The following SPOCK3 variants were observed in gnomAD, a reference collection of about 807,000 sequenced individuals.
SPOCK3 encodes SPARC (osteonectin), cwcv and kazal like domains proteoglycan 3.
SPOCK3 carries 30 observed loss-of-function variants against 56.6 expected under a neutral mutation model. The observed-to-expected ratio is 0.53, with a 90% confidence interval of 0.40 to 0.72. The LOEUF is 0.72. SPOCK3 is among the 30% of genes least tolerant of loss of function. The pLI is 0.00. For synonymous variants in SPOCK3, 196 were observed against 183.3 expected (o/e 1.07, Z -0.56); for missense variants, 527 against 530.0 (o/e 0.99, Z 0.06).
chr4:167,197,956 A>G (rs1427876438), intron 2 of SPOCK3, among the ~76,000 whole-genome samples: 1 of 152,182 alleles, frequency 6.6e-6, no homozygotes, highest in Non-Finnish European at 1.5e-5. Flanking sequence ...CATTCTTGAC[A>G]ACAATTCCAC....
chr4:166,739,800 C>A (rs1385115758), intron 9 of SPOCK3, among the ~76,000 whole-genome samples: 1 of 150,892 alleles, frequency 6.6e-6, no homozygotes, highest in African/African-American at 2.4e-5. Flanking sequence ...AGTCTTGTAA[C>A]CATATAACAT....
At chr4:167,122,535 A>G (rs1337260581) in intron 2 of SPOCK3, among the ~76,000 whole-genome samples, 1 of 152,232 alleles carries the variant, frequency 6.6e-6, no homozygotes, top group African/African-American at 2.4e-5. Context: ...TAGGGTTACA[A>G]TACCTCAGTG....
intron 5 of SPOCK3, among the ~76,000 whole-genome samples, chr4:166,908,310 A>ACACACC (rs1491177206): frequency 2.4e-5 from 3 of 124,982 alleles, no homozygotes; most frequent in African/African-American, 9.3e-5. Flanking sequence ...ACACACACAC[A>ACACACC]CCCCTACCTT....
chr4:166,784,186 T>C (rs1489571559), intron 7 of SPOCK3, among the ~76,000 whole-genome samples: 1 of 152,078 alleles, frequency 6.6e-6, no homozygotes, highest in Non-Finnish European at 1.5e-5. Context: ...ATAATACAGT[T>C]CCTAAAGAAA....
Position 166,949,874 on chromosome 4 carries a change from C to A in SPOCK3, c.351-37131G>T, listed in dbSNP as rs368297357. ...AAGGAGAAATAAAATACTTTACAGA[C>A]AAGCAAATGCTGAGCAATTTTGTCA... On this transcript the variant is annotated intron_variant, in intron 4 of 10. Transcript: ENST00000357545. Among the ~76,000 whole-genome samples, 94 of 151,858 alleles carry A rather than the reference C, an allele frequency of 6.2e-4. 3 individuals are homozygous for A. In the East Asian group the frequency reaches 9.5e-3, roughly 15 times the overall value.
chr4:166,779,765 G>T (rs1739957464), intron 7 of SPOCK3, among the ~76,000 whole-genome samples: 1 of 152,058 alleles, frequency 6.6e-6, no homozygotes, highest in Admixed American at 6.6e-5. Context: ...TTAAAGATAT[G>T]CAGGACTTTC....
At chr4:167,037,450 C>A (rs1428098280) in intron 3 of SPOCK3, among the ~76,000 whole-genome samples, 2 of 151,300 alleles carry the variant, frequency 1.3e-5, no homozygotes, top group Admixed American at 6.6e-5. Flanking sequence ...CCACTGCACT[C>A]CGGCCTGGGC....
intron 2 of SPOCK3, among the ~76,000 whole-genome samples, chr4:167,185,010 T>C (rs1731829193): frequency 1.3e-5 from 2 of 152,338 alleles, no homozygotes; most frequent in Non-Finnish European, 2.9e-5. Flanking sequence ...AACAAGTTGG[T>C]TACCTTTTAT....
At chr4:167,093,946 A>G (rs1485346666) in intron 2 of SPOCK3, among the ~76,000 whole-genome samples, 1 of 152,104 alleles carries the variant, frequency 6.6e-6, no homozygotes, top group Non-Finnish European at 1.5e-5. Context: ...ATGTGCCTTT[A>G]CCTCATATTA....
intron 3 of SPOCK3, among the ~76,000 whole-genome samples, chr4:167,031,282 C>A (rs1258767185): frequency 6.6e-6 from 1 of 151,788 alleles, no homozygotes; most frequent in Non-Finnish European, 1.5e-5. Flanking sequence ...TAAATATTAT[C>A]AATTGTTTTA....
chr4:167,230,500 CA>C (rs35421281), intron 2 of SPOCK3, among the ~76,000 whole-genome samples: 3,920 of 85,848 alleles, frequency 0.046, 52 homozygotes, highest in Admixed American at 0.091. Context: ...AGCCCCCCAC[CA>C]AAAAAAAAAA....
chr4:167,177,160 G>A (rs2150480785), intron 2 of SPOCK3, among the ~76,000 whole-genome samples: 1 of 152,168 alleles, frequency 6.6e-6, no homozygotes, highest in South Asian at 2.1e-4. Context: ...GCAGACAACT[G>A]AGTTATTGAT....
chr4:166,852,167 G>A (rs1453346756), intron 6 of SPOCK3, among the ~76,000 whole-genome samples: 5 of 152,064 alleles, frequency 3.3e-5, no homozygotes, highest in Non-Finnish European at 7.4e-5. Context: ...GGAGGGGGGA[G>A]CGATAGCATT....
At chr4:167,183,633 A>G (rs962061990) in intron 2 of SPOCK3, among the ~76,000 whole-genome samples, 61 of 152,228 alleles carry the variant, frequency 4.0e-4, no homozygotes, top group African/African-American at 1.4e-3. Context: ...GCATTTTACT[A>G]TTGCAAAAAG....
intron 2 of SPOCK3, among the ~76,000 whole-genome samples, chr4:167,145,158 T>C (rs1763837211): frequency 6.6e-6 from 1 of 152,184 alleles, no homozygotes; most frequent in African/African-American, 2.4e-5. Flanking sequence ...AGATTGAATA[T>C]GCACCATTAA....
At chr4:166,863,232 G>C (rs1731422753) in intron 6 of SPOCK3, among the ~76,000 whole-genome samples, 1 of 152,022 alleles carries the variant, frequency 6.6e-6, no homozygotes, top group Non-Finnish European at 1.5e-5. Context: ...GTACCACCAG[G>C]CCTGCCTTAC....
At position 166,842,179 on chromosome 4, in the gene SPOCK3, C is replaced by T. The variant is rs149881199; in HGVS notation, c.589+46951G>A. Reference sequence around the variant, plus strand: ...TGCGGACCCAAAGAGTGAGCAGCAGCAAGATTTATTGCAAAGAACAAAAGA... The same window carrying T: ...TGCGGACCCAAAGAGTGAGCAGCAGTAAGATTTATTGCAAAGAACAAAAGA... On this transcript the variant is annotated intron_variant, in intron 6 of 10. Coordinates refer to ENST00000357545, the MANE Select transcript of SPOCK3 (RefSeq NM_001040159.2). Among the ~76,000 whole-genome samples the T allele has an allele frequency of 4.8e-4, 73 of 152,322 alleles. 1 individual carries two copies. Among genetic ancestry groups the T allele is most frequent in the African/African-American group, 1.6e-3 (67 of 41,572 alleles).
chr4:166,790,067 A>G (rs140466569), intron 7 of SPOCK3, among the ~76,000 whole-genome samples: 1 of 152,296 alleles, frequency 6.6e-6, no homozygotes, highest in African/African-American at 2.4e-5. Flanking sequence ...ATGGGTACAC[A>G]ATGTAGTATA....
chr4:167,205,257 A>T (rs1426269833), intron 2 of SPOCK3, among the ~76,000 whole-genome samples: 1 of 77,322 alleles, frequency 1.3e-5, no homozygotes, highest in Non-Finnish European at 2.3e-5. Flanking sequence ...TATTATATAT[A>T]TTTTATATCT....
Sources: allele counts gnomAD v4.1 joint callset (sites outside exome capture counted in the v4.1 genomes callset), GRCh38; gene constraint gnomAD v4.1.1; transcripts MANE v1.5; gene names NCBI Gene and HGNC (gene_info 2026-07-23, HGNC 2026-07-21).